The following KHDC1 variants were observed in gnomAD, a reference collection of about 807,000 sequenced individuals.
KHDC1 encodes KH homology domain-containing protein 1.
KHDC1 carries 21 observed loss-of-function variants against 24.7 expected under a neutral mutation model. The observed-to-expected ratio is 0.85, with a 90% confidence interval of 0.60 to 1.23. The LOEUF (loss-of-function observed/expected upper bound fraction) is 1.23. Among genes scored for constraint, KHDC1 ranks in the 50% most tolerant of loss-of-function variants. The pLI is 0.00. For synonymous variants in KHDC1, 98 were observed against 111.7 expected (o/e 0.88, Z 0.77); for missense variants, 274 against 298.5 (o/e 0.92, Z 0.61).
intron 1 of KHDC1, among the ~76,000 whole-genome samples, chr6:73,306,268 T>C (rs550798008): frequency 1.3e-5 from 2 of 152,180 alleles, no homozygotes; most frequent in South Asian, 4.2e-4. Context: ...CACTGGGGCT[T>C]GGAGGCTGCT....
chr6:73,267,445 T>C (rs1440529801), intron 2 of KHDC1, among the ~76,000 whole-genome samples: 3 of 151,844 alleles, frequency 2.0e-5, no homozygotes, highest in Non-Finnish European at 4.4e-5. Context: ...ATCACGCCAC[T>C]GCACTCCAGA....
chr6:73,292,786 T>C, intron 1 of KHDC1: 2 of 714,782 alleles, frequency 2.8e-6, no homozygotes, highest in Non-Finnish European at 2.6e-6. Flanking sequence ...GTAAAGTTAC[T>C]CAACAGGAGT....
At chr6:73,262,291 C>T (rs1766994734) in intron 2 of KHDC1, among the ~76,000 whole-genome samples, 1 of 152,236 alleles carries the variant, frequency 6.6e-6, no homozygotes, top group African/African-American at 2.4e-5. Context: ...GTGTCTGGTG[C>T]ATAGCAAGTG....
chr6:73,248,044 G>A (rs1766700486), intron 2 of KHDC1, among the ~76,000 whole-genome samples: 1 of 152,078 alleles, frequency 6.6e-6, no homozygotes, highest in African/African-American at 2.4e-5. Context: ...GTTTCCCCCA[G>A]AGTGGAGAGA....
intron 2 of KHDC1, among the ~76,000 whole-genome samples, chr6:73,281,969 G>A (rs1240159037): frequency 6.6e-6 from 1 of 152,034 alleles, no homozygotes; most frequent in Non-Finnish European, 1.5e-5. Context: ...TGTAATCCCT[G>A]CACTTTGGGA....
chr6:73,251,757 A>C (rs1289801208), intron 2 of KHDC1, among the ~76,000 whole-genome samples: 3 of 151,236 alleles, frequency 2.0e-5, no homozygotes, highest in African/African-American at 7.3e-5. Context: ...ATTAAATCAT[A>C]TCCTTTTTAA....
At chr6:73,281,942 G>T (rs189275766) in intron 2 of KHDC1, among the ~76,000 whole-genome samples, 1 of 151,838 alleles carries the variant, frequency 6.6e-6, no homozygotes, top group East Asian at 2.0e-4. Flanking sequence ...TCTAGGCCAG[G>T]TCCGGTGGCT....
chr6:73,254,280 G>C lies in KHDC1; in HGVS notation c.207-11750C>G, dbSNP rs540597151. Among the ~76,000 whole-genome samples the C allele has an allele frequency of 5.3e-5, 8 of 151,922 alleles. 1 individual carries two copies. Among genetic ancestry groups the C allele is most frequent in the African/African-American group, 9.6e-5 (4 of 41,466 alleles). ...GTTTAAGACCAGCCTGGCCAACATG[G>C]AGAAACCCCATCTCTACTAAAAATA... On this transcript the variant is annotated intron_variant, in intron 2 of 4. Transcript: ENST00000370384.
At chr6:73,290,406 G>A in intron 2 of KHDC1, 1 of 338,168 alleles carries the variant, frequency 3.0e-6, no homozygotes, top group Non-Finnish European at 5.7e-6. Context: ...AGCCCTTGAT[G>A]TCCTCAAATT....
chr6:73,278,097 C>T (rs1253355146), intron 2 of KHDC1, among the ~76,000 whole-genome samples: 6 of 149,496 alleles, frequency 4.0e-5, no homozygotes. Context: ...CTGCGACCTC[C>T]GCCTCCCGGG....
At position 73,267,723 on chromosome 6, in the gene KHDC1, A is replaced by C. The variant is rs73460479; in HGVS notation, c.206+24275T>G. On this transcript the variant is annotated intron_variant, in intron 2 of 4. Coordinates refer to ENST00000370384, the Ensembl canonical transcript of KHDC1. ...AAATAAGTGCAGATACTTGGATGCC[A>C]GTATTTATAATAGCATTATTCACAG... 2.6e-3 allele frequency among the ~76,000 whole-genome samples: 389 copies of C among 152,376 alleles called. 3 individuals carry two copies. The highest frequency in any genetic ancestry group is 8.8e-3 in the African/African-American group (367 of 41,588).
At chr6:73,245,879 G>C (rs146689833) in intron 2 of KHDC1, among the ~76,000 whole-genome samples, 1 of 152,208 alleles carries the variant, frequency 6.6e-6, no homozygotes, top group African/African-American at 2.4e-5. Context: ...ATCCATTCTC[G>C]AGATAAGCAG....
Position 73,309,555 on chromosome 6 carries a change from G to A in KHDC1, c.160C>T (p.Arg54Ter). 6.6e-7 allele frequency: 1 copy of A among 1,515,166 alleles called. No individual in the cohort carries two copies. The highest frequency in any genetic ancestry group is 8.8e-7 in the Non-Finnish European group (1 of 1,131,536). 93.9% of individuals were successfully genotyped at this position (1,515,166 alleles called of 1,614,324 possible). Residue 54 changes from arginine to a stop codon, truncating the protein, a stop_gained, in exon 1 of 5, where the codon CGA becomes TGA. Coordinates refer to ENST00000370384, the Ensembl canonical transcript of KHDC1. LOFTEE classifies it high-confidence loss of function. ...CAGGGCCCCTAAAGCCACTCACCTCGATTTCTGCGGATCCAAAGGTGGAAA... is the reference window on the plus strand; with the variant it reads ...CAGGGCCCCTAAAGCCACTCACCTCAATTTCTGCGGATCCAAAGGTGGAAA...
At chr6:73,242,477 C>G (rs746548203) in exon 3 of KHDC1, 1 of 1,614,166 alleles carries the variant, frequency 6.2e-7, no homozygotes, top group East Asian at 2.2e-5. Flanking sequence ...AGGCAGGGTC[C>G]ACCACGGCTT....
At chr6:73,292,477 G>A (rs1024840662) in intron 1 of KHDC1, 13 of 771,740 alleles carry the variant, frequency 1.7e-5, no homozygotes, top group Non-Finnish European at 2.7e-5. Flanking sequence ...TCTGGGGAAA[G>A]CTGGCCTCTG....
intron 2 of KHDC1, among the ~76,000 whole-genome samples, chr6:73,244,089 C>T (rs1424492053): frequency 1.3e-5 from 2 of 152,092 alleles, no homozygotes; most frequent in East Asian, 3.8e-4. Flanking sequence ...GTCTGAGTAC[C>T]TTTCTCAGAA....
intron 2 of KHDC1, among the ~76,000 whole-genome samples, chr6:73,255,207 A>T (rs1338900401): frequency 6.6e-6 from 1 of 150,902 alleles, no homozygotes; most frequent in Non-Finnish European, 1.5e-5. Context: ...ACTAAAAAAA[A>T]AATAAACTTT....
At position 73,241,743 on chromosome 6, in the gene KHDC1, C is replaced by T. The variant is rs1207930658; in HGVS notation, c.515-15G>A. 17 of 1,613,696 alleles carry T rather than the reference C, an allele frequency of 1.1e-5. No individual in the cohort carries two copies. Among genetic ancestry groups the T allele is most frequent in the Admixed American group, 1.7e-5 (1 of 59,990 alleles). ...CATCTCCAGGCCTGCAAAATAAGTG[C>T]CCAGGGCTAATGAACCAGGGCCCAT... On this transcript the variant is annotated splice_polypyrimidine_tract_variant and intron_variant, in intron 4 of 4. Transcript: ENST00000370384.
intron 2 of KHDC1, among the ~76,000 whole-genome samples, chr6:73,278,074 C>T (rs527481889): frequency 2.2e-5 from 3 of 133,334 alleles, no homozygotes; most frequent in East Asian, 4.4e-4. Flanking sequence ...TGCGGTGGTG[C>T]GATCTCAGCT....
Sources: allele counts gnomAD v4.1 joint callset (sites outside exome capture counted in the v4.1 genomes callset), GRCh38; gene constraint gnomAD v4.1.1; transcripts MANE v1.5; gene names NCBI Gene and HGNC (gene_info 2026-07-23, HGNC 2026-07-21).